PCSK5: variants seen among roughly 807,000 people sequenced by gnomAD.
PCSK5 encodes proprotein convertase subtilisin/kexin type 5, also known as prohormone convertase 5.
Under a neutral mutation model 233.2 loss-of-function variants are expected in PCSK5, and 129 were observed. The ratio of observed to expected loss-of-function variants is 0.55; its 90% confidence interval spans 0.48 to 0.64. PCSK5 has a LOEUF of 0.64. Among genes scored for constraint, PCSK5 ranks in the 30% least tolerant of loss-of-function variants. PCSK5 has a pLI of 0.00. For missense variants in PCSK5, 2,076 were observed against 2,430.1 expected (o/e 0.85, Z 3.06); for synonymous variants, 825 against 879.2 (o/e 0.94, Z 1.09).
intron 24 of PCSK5, among the ~76,000 whole-genome samples, chr9:76,253,404 T>A (rs1346583216): frequency 6.6e-6 from 1 of 152,222 alleles, no homozygotes; most frequent in Non-Finnish European, 1.5e-5. Context: ...TATTTTGTAT[T>A]CATTAGAGCC....
At chr9:76,214,024 C>T (rs1193636128) in intron 20 of PCSK5, among the ~76,000 whole-genome samples, 1 of 152,082 alleles carries the variant, frequency 6.6e-6, no homozygotes, top group Non-Finnish European at 1.5e-5. Flanking sequence ...CACGGAGACC[C>T]CAGAATAAGC....
At chr9:75,937,264 C>T (rs141432426) in intron 2 of PCSK5, among the ~76,000 whole-genome samples, 342 of 151,840 alleles carry the variant, frequency 2.3e-3, no homozygotes, top group African/African-American at 7.5e-3. Context: ...CTGCAACCTC[C>T]GCTTCCCGGG....
intron 5 of PCSK5, among the ~76,000 whole-genome samples, chr9:76,065,594 A>T (rs1013457914): frequency 6.6e-6 from 1 of 152,130 alleles, no homozygotes; most frequent in Admixed American, 6.5e-5. Context: ...TTCTCTCGTT[A>T]TGTGAGTTAT....
Position 76,253,223 on chromosome 9 carries a change from A to G in PCSK5, c.3142+12539A>G, listed in dbSNP as rs1826869669. ...CTCCATGGGCAGATGGGGAAGGGACATTCAGGATGCCTCTTCTTCTTCTTC... is the reference window on the plus strand; with the variant it reads ...CTCCATGGGCAGATGGGGAAGGGACGTTCAGGATGCCTCTTCTTCTTCTTC... On this transcript the variant is annotated intron_variant, in intron 24 of 37. Transcript: ENST00000674117. Among the ~76,000 whole-genome samples the G allele has an allele frequency of 3.3e-5, 5 of 151,352 alleles. No homozygotes were observed. The South Asian group carries it at 1.0e-3, about 32-fold the overall frequency.
intron 9 of PCSK5, 38 bp downstream of exon 9, chr9:76,107,389 C>T (rs1832021352): frequency 7.3e-7 from 1 of 1,370,568 alleles, no homozygotes; most frequent in East Asian, 2.3e-5. Context: ...ATGGTGACAA[C>T]CCCTGATCTC....
intron 2 of PCSK5, among the ~76,000 whole-genome samples, chr9:75,960,810 G>C (rs886921298): frequency 6.6e-6 from 1 of 152,142 alleles, no homozygotes; most frequent in South Asian, 2.1e-4. Context: ...TACTCTTCCA[G>C]AATTTGAGAG....
At chr9:75,993,073 A>G (rs1482260091) in intron 3 of PCSK5, among the ~76,000 whole-genome samples, 1 of 152,126 alleles carries the variant, frequency 6.6e-6, no homozygotes, top group Non-Finnish European at 1.5e-5. Context: ...CTAATGATTT[A>G]TACTGTCATT....
rs758746689 is a variant in PCSK5, at chr9:75,891,150, A to T, written c.-32A>T. ...GCGCCCTTAGTGCGCGGAACCAGCCAGCGAGCGAGGGAGCAGCGAGGCGCC... is the reference window on the plus strand; with the variant it reads ...GCGCCCTTAGTGCGCGGAACCAGCCTGCGAGCGAGGGAGCAGCGAGGCGCC... On this transcript the variant is annotated 5_prime_UTR_variant, in exon 1 of 38. Coordinates refer to ENST00000674117, the MANE Select transcript of PCSK5 (RefSeq NM_001372043.1). 2.1e-5 allele frequency: 31 copies of T among 1,441,870 alleles called. No individual in the cohort carries two copies. Among genetic ancestry groups the T allele is most frequent in the Middle Eastern group, 4.4e-4 (2 of 4,514 alleles). 89.3% of individuals were successfully genotyped at this position (1,441,870 alleles called of 1,614,324 possible).
At chr9:76,110,353 T>C (rs1832159456) in intron 9 of PCSK5, among the ~76,000 whole-genome samples, 1 of 152,226 alleles carries the variant, frequency 6.6e-6, no homozygotes, top group South Asian at 2.1e-4. Context: ...AAATTTATTG[T>C]TTCTCTGAAT....
chr9:75,983,982 T>TA (rs149917854), intron 2 of PCSK5, among the ~76,000 whole-genome samples: 1,637 of 152,008 alleles, frequency 0.011, 20 homozygotes, highest in African/African-American at 0.037. Flanking sequence ...TATTTGACAC[T>TA]AAAAAAAACC....
chr9:76,129,876 T>C (rs115265346), intron 9 of PCSK5, among the ~76,000 whole-genome samples: 2,144 of 152,158 alleles, frequency 0.014, 53 homozygotes, highest in African/African-American at 0.049. Flanking sequence ...ATGCAAATAC[T>C]GGGTAGTGAT....
intron 7 of PCSK5, among the ~76,000 whole-genome samples, chr9:76,076,646 T>C (rs529450360): frequency 3.3e-5 from 5 of 152,326 alleles, no homozygotes; most frequent in South Asian, 2.1e-4. Flanking sequence ...GTAGCAAATA[T>C]TGAATTTCAA....
rs563734401 is a variant in PCSK5, at chr9:76,134,254, T to C, written c.1312+42T>C. The C allele has an allele frequency of 7.2e-4, 891 of 1,240,806 alleles. 13 individuals carry two copies. In the South Asian group the frequency reaches 0.011, roughly 15 times the overall value. 76.9% of individuals were successfully genotyped at this position (1,240,806 alleles called of 1,614,324 possible). A position where few individuals can be genotyped will look rare whatever the true frequency, so the allele number is the denominator to read the frequency against. On this transcript the variant is annotated intron_variant, in intron 10 of 37. Transcript: ENST00000674117. ...TATTCTGTCACAGGCAAAATATTTT[T>C]ATTTTTCCCCCATTTTAAATGGAGA... is the stretch of plus-strand genomic sequence containing the variant.
At chr9:75,997,533 T>C (rs530976380) in intron 3 of PCSK5, among the ~76,000 whole-genome samples, 42 of 152,252 alleles carry the variant, frequency 2.8e-4, no homozygotes, top group Non-Finnish European at 5.9e-4. Context: ...TAGTCCAAAA[T>C]GCAGATGATT....
At chr9:75,938,708 C>T (rs919948739) in intron 2 of PCSK5, among the ~76,000 whole-genome samples, 1 of 152,208 alleles carries the variant, frequency 6.6e-6, no homozygotes, top group African/African-American at 2.4e-5. Context: ...TACTTAGAGA[C>T]TGCAAATTTC....
rs368371926 is a variant in PCSK5, at chr9:76,068,060, C to T, written c.721+17C>T. 1.4e-4 allele frequency: 221 copies of T among 1,576,372 alleles called. No individual in the cohort carries two copies. The highest frequency in any genetic ancestry group is 1.7e-4 in the Non-Finnish European group (196 of 1,145,708). On this transcript the variant is annotated intron_variant, in intron 6 of 37. Transcript: ENST00000674117. ...AGATCGGAGGTATGGGAAACCAACT[C>T]ACGTGGATGTAGAAATGCGCCAGTT...
At chr9:76,295,706 T>A (rs953917376) in intron 26 of PCSK5, among the ~76,000 whole-genome samples, 1 of 152,232 alleles carries the variant, frequency 6.6e-6, no homozygotes, top group East Asian at 1.9e-4. Context: ...ATGAATGTTT[T>A]GGCATTGAAG....
chr9:76,050,939 C>T (rs1167845748), intron 5 of PCSK5, among the ~76,000 whole-genome samples: 1 of 152,116 alleles, frequency 6.6e-6, no homozygotes, highest in Non-Finnish European at 1.5e-5. Context: ...AAAGAATGAG[C>T]CATATGGTGG....
intron 2 of PCSK5, among the ~76,000 whole-genome samples, chr9:75,960,707 G>A (rs1263496893): frequency 6.6e-6 from 1 of 152,054 alleles, no homozygotes; most frequent in Admixed American, 6.6e-5. Context: ...GCTCTCCTTC[G>A]TGCTCCAGCC....
Sources: gnomAD v4.1 joint callset for allele counts (sites outside exome capture counted in the v4.1 genomes callset) on GRCh38, gnomAD v4.1.1 for gene constraint, MANE v1.5 for transcripts, NCBI Gene and HGNC (gene_info 2026-07-23, HGNC 2026-07-21) for gene names.